Variants in ADARB1 observed in about 807,000 individuals in gnomAD.
ADARB1 encodes double-stranded RNA-specific editase 1.
Under a neutral mutation model 52.4 loss-of-function variants are expected in ADARB1, and 10 were observed. The ratio of observed to expected loss-of-function variants is 0.19; its 90% confidence interval spans 0.12 to 0.32. The LOEUF is 0.32. ADARB1 is among the 10% of genes least tolerant of loss of function. ADARB1 has a pLI of 1.00. For missense variants in ADARB1, 643 were observed against 922.3 expected, an observed-to-expected ratio of 0.70 and a Z score of 3.92; for synonymous variants, 349 against 371.1, an observed-to-expected ratio of 0.94 and a Z score of 0.68.
chr21:45,209,295 A>T (rs547192829), intron 9 of ADARB1, among the ~76,000 whole-genome samples: 10 of 152,172 alleles, frequency 6.6e-5, no homozygotes, highest in Non-Finnish European at 1.0e-4. Context: ...ACAATTGTTT[A>T]GATGAAGCCG....
chr21:45,116,885 A>G (rs78174012), intron 1 of ADARB1: 2 of 152,014 alleles, frequency 1.3e-5, no homozygotes, highest in African/African-American at 4.8e-5. Flanking sequence ...ATGGCCAAAC[A>G]ATATCTGTGT....
Position 45,161,016 on chromosome 21 carries a change from G to A in ADARB1, c.-47-10594G>A, listed in dbSNP as rs1202247817. ...TAGGATTTATACTGCAAATAACTTG[G>A]CAGGATTAATTGGCCTGCATTTGCT... On this transcript the variant is annotated intron_variant, in intron 2 of 10. Transcript: ENST00000348831. Among the ~76,000 whole-genome samples, 5 of 152,156 alleles carry A rather than the reference G, an allele frequency of 3.3e-5. No individual in the cohort carries two copies. The East Asian group carries it at 9.6e-4, about 29-fold the overall frequency.
chr21:45,139,846 C>T (rs1258058771), intron 2 of ADARB1, among the ~76,000 whole-genome samples: 2 of 150,042 alleles, frequency 1.3e-5, no homozygotes, highest in East Asian at 1.9e-4. Context: ...TGAGACTTAC[C>T]TTTCTTATAG....
intron 1 of ADARB1, among the ~76,000 whole-genome samples, chr21:45,075,411 G>A (rs1568984726): frequency 6.6e-6 from 1 of 151,512 alleles, no homozygotes; most frequent in Non-Finnish European, 1.5e-5. Context: ...CTGTGCCACG[G>A]GAGTGGAGAC....
intron 3 of ADARB1, among the ~76,000 whole-genome samples, chr21:45,174,682 AATACATACATAC>A (rs59024130): frequency 1.2e-3 from 181 of 148,832 alleles, no homozygotes; most frequent in African/African-American, 1.2e-3. Context: ...CAGTCTCAAA[AATACATACATAC>A]ATACATACAT....
Position 45,153,351 on chromosome 21 carries a change from T to TTC in ADARB1, c.-47-18259_-47-18258insTC, listed in dbSNP as rs2090397872. On this transcript the variant is annotated intron_variant, in intron 2 of 10. Coordinates refer to ENST00000348831, the MANE Select transcript of ADARB1 (RefSeq NM_001112.4). Reference sequence around the variant, plus strand: ...TTAAAAGCTGTTGATGTTTTTTTTTTCTCTTTGTATAATATGAAATAATTA... The same window carrying TTC: ...TTAAAAGCTGTTGATGTTTTTTTTTTTCCTCTTTGTATAATATGAAATAATTA... 2.7e-5 allele frequency among the ~76,000 whole-genome samples: 4 copies of TTC among 148,884 alleles called. No individual in the cohort carries two copies. The South Asian group carries it at 8.6e-4, about 32-fold the overall frequency.
At chr21:45,103,994 G>GTAA (rs2087137609) in intron 1 of ADARB1, among the ~76,000 whole-genome samples, 1 of 152,102 alleles carries the variant, frequency 6.6e-6, no homozygotes, top group African/African-American at 2.4e-5. Flanking sequence ...AGTAGTCAGG[G>GTAA]CACACTTATC....
At chr21:45,138,790 G>A (rs2089535694) in intron 2 of ADARB1, among the ~76,000 whole-genome samples, 1 of 152,106 alleles carries the variant, frequency 6.6e-6, no homozygotes, top group South Asian at 2.1e-4. Context: ...AGACTGAGTG[G>A]CCCATGTGCT....
intron 1 of ADARB1, among the ~76,000 whole-genome samples, chr21:45,124,592 G>A (rs2088440322): frequency 6.6e-6 from 1 of 152,104 alleles, no homozygotes; most frequent in Non-Finnish European, 1.5e-5. Context: ...TGCCAGGACT[G>A]ATCTTGAATT....
intron 8 of ADARB1, among the ~76,000 whole-genome samples, chr21:45,195,656 G>A (rs2092408809): frequency 1.3e-5 from 2 of 148,664 alleles, no homozygotes; most frequent in South Asian, 4.3e-4. Flanking sequence ...AGCACTGTTT[G>A]TAGAAAATAC....
In ADARB1 at chr21:45,223,061, T is replaced by C. The variant is rs117066104; in HGVS notation, c.*864T>C. ...CAGGTTTTTTAAAGGATATTTAACT[T>C]TTATGGACTAGAAGGAATCACGAGG... On this transcript the variant is annotated 3_prime_UTR_variant, in exon 11 of 11. Transcript: ENST00000348831. The C allele has an allele frequency of 0.014, 13,715 of 985,384 alleles. 129 individuals are homozygous for C. Among genetic ancestry groups the C allele is most frequent in the Non-Finnish European group, 0.016 (12,996 of 829,920 alleles). 61.0% of individuals were successfully genotyped at this position (985,384 alleles called of 1,614,324 possible). A position where few individuals can be genotyped will look rare whatever the true frequency, so the allele number is the denominator to read the frequency against.
At chr21:45,079,900 G>A (rs2086087311) in intron 1 of ADARB1, among the ~76,000 whole-genome samples, 1 of 152,190 alleles carries the variant, frequency 6.6e-6, no homozygotes, top group East Asian at 1.9e-4. Flanking sequence ...CAGAGGAGCA[G>A]GAGATGAGGA....
rs78367533 is a variant in ADARB1, at chr21:45,121,770, A to C, written c.-219-6632A>C. The stretch of plus-strand genomic sequence containing the variant: ...GTCTCTCTGCTTCCCTGTCCTGCCA[A>C]GTCCAATTGGTCATTCTTAGTTTAC... On this transcript the variant is annotated intron_variant, in intron 1 of 10. Coordinates refer to ENST00000348831, the MANE Select transcript of ADARB1 (RefSeq NM_001112.4). Among the ~76,000 whole-genome samples, 396 of 152,188 alleles carry C rather than the reference A, an allele frequency of 2.6e-3. 1 individual carries two copies. The highest frequency in any genetic ancestry group is 8.7e-3 in the African/African-American group (360 of 41,508).
intron 1 of ADARB1, among the ~76,000 whole-genome samples, chr21:45,103,136 G>A (rs555222572): frequency 5.6e-4 from 85 of 152,270 alleles, no homozygotes; most frequent in African/African-American, 1.9e-3. Flanking sequence ...AGCCAAGAGG[G>A]GCCTAGGGAG....
At chr21:45,202,303 A>G (rs1256814413) in intron 8 of ADARB1, among the ~76,000 whole-genome samples, 2 of 152,116 alleles carry the variant, frequency 1.3e-5, no homozygotes, top group African/African-American at 4.8e-5. Flanking sequence ...CTGCTGTGAC[A>G]GGGATGAGCA....
chr21:45,090,677 AGGCTTCCTG>A (rs944535584), intron 1 of ADARB1, among the ~76,000 whole-genome samples: 2 of 152,132 alleles, frequency 1.3e-5, no homozygotes, highest in African/African-American at 4.8e-5. Context: ...ATCAACCCGG[AGGCTTCCTG>A]GTACCTGTGC....
chr21:45,144,269 C>T (rs2089899565), intron 2 of ADARB1, among the ~76,000 whole-genome samples: 1 of 152,106 alleles, frequency 6.6e-6, no homozygotes, highest in African/African-American at 2.4e-5. Context: ...TAAGAGTTTT[C>T]CTAAATTAAT....
intron 2 of ADARB1, among the ~76,000 whole-genome samples, chr21:45,158,273 C>T (rs112883701): frequency 1.6e-4 from 24 of 152,164 alleles, no homozygotes; most frequent in African/African-American, 5.1e-4. Context: ...GTCCATTGTT[C>T]TCTCAGCCAC....
chr21:45,201,344 C>T (rs1200822083), intron 8 of ADARB1, among the ~76,000 whole-genome samples: 1 of 152,192 alleles, frequency 6.6e-6, no homozygotes, highest in Non-Finnish European at 1.5e-5. Context: ...TGTAGACACT[C>T]TTGGAATTCT....
Sources: allele counts gnomAD v4.1 joint callset (sites outside exome capture counted in the v4.1 genomes callset), GRCh38; gene constraint gnomAD v4.1.1; transcripts MANE v1.5; gene names NCBI Gene and HGNC (gene_info 2026-07-23, HGNC 2026-07-21).